Variants in PCDHGA9 observed in about 807,000 individuals in gnomAD.
PCDHGA9 encodes the protein protocadherin gamma-A9.
A neutral mutation model predicts 62.5 loss-of-function variants in PCDHGA9; 37 were observed. The ratio of observed to expected loss-of-function variants is 0.59; its 90% CI spans 0.46 to 0.78. The LOEUF is 0.78. PCDHGA9 is among the 30% of genes least tolerant of loss of function. The pLI, the probability that PCDHGA9 is intolerant of heterozygous loss-of-function variation, is 0.00. For synonymous variants in PCDHGA9, 459 were observed against 484.6 expected, an observed-to-expected ratio of 0.95 and a Z score of 0.69; for missense variants, 1,138 against 1,166.2, an observed-to-expected ratio of 0.98 and a Z score of 0.35.
chr5:141,423,358 G>T (rs202010010), intron 1 of PCDHGA9: 1 of 1,614,196 alleles, frequency 6.2e-7, no homozygotes, highest in South Asian at 1.1e-5. Flanking sequence ...CTTTGTCATC[G>T]TGCTGCTGGC....
chr5:141,438,901 G>A (rs1039951275), intron 1 of PCDHGA9, among the ~76,000 whole-genome samples: 2 of 151,746 alleles, frequency 1.3e-5, no homozygotes, highest in African/African-American at 2.4e-5. Flanking sequence ...CCTGACCTCA[G>A]GTGATCCACC....
Position 141,487,289 on chromosome 5 carries a change from G to A in PCDHGA9, c.2425-7518G>A. The A allele has an allele frequency of 1.2e-6, 2 of 1,614,096 alleles. No individual in the cohort carries two copies. The highest frequency in any genetic ancestry group is 1.7e-6 in the Non-Finnish European group (2 of 1,180,024). On this transcript the variant is annotated intron_variant, in intron 1 of 3. Coordinates refer to ENST00000573521, the MANE Select transcript of PCDHGA9 (RefSeq NM_018921.3). The surrounding 1 kb of genome is among the most constrained non-coding windows in gnomAD (Gnocchi z 5.0). ...AGTGGCAATTTGCTTTGTCTCCTTTGGCTCATTCGTGGCACTACTCTCTAA... is the reference window on the plus strand; with the variant it reads ...AGTGGCAATTTGCTTTGTCTCCTTTAGCTCATTCGTGGCACTACTCTCTAA...
At chr5:141,456,142 C>A (rs1258425044) in intron 1 of PCDHGA9, among the ~76,000 whole-genome samples, 1 of 152,052 alleles carries the variant, frequency 6.6e-6, no homozygotes, top group Non-Finnish European at 1.5e-5. Flanking sequence ...CCTGATCCGC[C>A]CGCCTCGGCC....
Position 141,405,330 on chromosome 5 carries a change from T to C in PCDHGA9, c.2378T>C (p.Val793Ala), listed in dbSNP as rs750658260. The change falls in exon 1 of 4, where the codon GTC becomes GCC. Residue 793 changes from valine (V) to alanine (A), a missense_variant. By Grantham distance (64) the Val-to-Ala change is moderately conservative. Coordinates refer to ENST00000573521, the MANE Select transcript of PCDHGA9 (RefSeq NM_018921.3). ...TGTGAGAAAAATGAGCCTTTGTGCG[T>C]CTCTGTTGATTCCAAGTTTCCTATA... The part of the protein sequence containing the change: ...QSCEKNEPLC[V>A]SVDSKFPIED... 6.2e-7 allele frequency: 1 copy of C among 1,614,206 alleles called. No homozygotes were observed. Among genetic ancestry groups the C allele is most frequent in the East Asian group, 2.2e-5 (1 of 44,890 alleles).
chr5:141,440,818 C>T (rs906112291), intron 1 of PCDHGA9: 2 of 152,124 alleles, frequency 1.3e-5, no homozygotes, highest in Non-Finnish European at 2.9e-5. Flanking sequence ...TCACTCAACT[C>T]CTGATCCTAT....
chr5:141,413,322 G>A, intron 1 of PCDHGA9: 2 of 1,613,940 alleles, frequency 1.2e-6, no homozygotes, highest in Non-Finnish European at 1.7e-6. Flanking sequence ...GCTCTTTCGT[G>A]GGCAACATCT....
At chr5:141,473,501 G>C (rs1053399138) in intron 1 of PCDHGA9, among the ~76,000 whole-genome samples, 7 of 152,188 alleles carry the variant, frequency 4.6e-5, no homozygotes, top group African/African-American at 1.7e-4. Context: ...GGTGTTCTGA[G>C]AGAGCATAAC....
In PCDHGA9 at chr5:141,432,250, A is replaced by G. The variant is rs777728825; in HGVS notation, c.2424+26874A>G. 2 of 1,614,234 alleles carry G rather than the reference A, an allele frequency of 1.2e-6. No homozygotes were observed. Among genetic ancestry groups the G allele is most frequent in the Admixed American group, 1.7e-5 (1 of 60,026 alleles). ...ATTCCCTGGCTGAGAACACCATCCA[A>G]GGGGCAAGCCTATCGTCCTACGTGT... On this transcript the variant is annotated intron_variant, in intron 1 of 3. Transcript: ENST00000573521. The surrounding 1 kb of genome is among the most constrained non-coding windows in gnomAD (Gnocchi z 6.0).
At chr5:141,420,382 C>CA (rs1414569792) in intron 1 of PCDHGA9, 5 of 1,300,530 alleles carry the variant, frequency 3.8e-6, no homozygotes, top group Non-Finnish European at 5.1e-6. Flanking sequence ...ATAGAGTTCG[C>CA]AAAATATAGG....
intron 1 of PCDHGA9, chr5:141,415,589 T>C: frequency 1.2e-6 from 2 of 1,614,062 alleles, no homozygotes; most frequent in Non-Finnish European, 1.7e-6. Flanking sequence ...AAGTTTCCTA[T>C]AGAGGATACC....
rs2094315270 is a variant in PCDHGA9, at chr5:141,402,861, A to G, written c.-92A>G. The G allele has an allele frequency of 7.0e-7, 1 of 1,430,150 alleles. No individual in the cohort carries two copies. Among genetic ancestry groups the G allele is most frequent in the Non-Finnish European group, 9.2e-7 (1 of 1,088,514 alleles). 88.6% of individuals were successfully genotyped at this position (1,430,150 alleles called of 1,614,324 possible). On this transcript the variant is annotated 5_prime_UTR_variant, in exon 1 of 4. Coordinates refer to ENST00000573521, the MANE Select transcript of PCDHGA9 (RefSeq NM_018921.3). Reference sequence around the variant, plus strand: ...AAACTCAGCCTCTTTCTTCTAAGGAAAAGATCACCATACTTTGCAGGGTGG... The same window carrying G: ...AAACTCAGCCTCTTTCTTCTAAGGAGAAGATCACCATACTTTGCAGGGTGG...
intron 1 of PCDHGA9, among the ~76,000 whole-genome samples, chr5:141,484,419 A>G (rs978469951): frequency 1.3e-5 from 2 of 152,206 alleles, no homozygotes; most frequent in Non-Finnish European, 2.9e-5. Flanking sequence ...TCCTGTTACA[A>G]TGAGAACATG....
intron 3 of PCDHGA9, among the ~76,000 whole-genome samples, 188 bp from the exon 4 acceptor site, chr5:141,510,759 G>A (rs1026623444): frequency 6.6e-5 from 10 of 152,172 alleles, no homozygotes; most frequent in African/African-American, 2.4e-4. Context: ...TCTCACTCCA[G>A]AGCCTCTTAA....
At chr5:141,479,823 G>A (rs1208437635) in intron 1 of PCDHGA9, among the ~76,000 whole-genome samples, 1 of 152,172 alleles carries the variant, frequency 6.6e-6, no homozygotes, top group Admixed American at 6.5e-5. Context: ...TACTATCCAA[G>A]GCATGGTATC....
At position 141,477,167 on chromosome 5, in the gene PCDHGA9, G is replaced by A; in HGVS notation, c.2425-17640G>A. On this transcript the variant is annotated intron_variant, in intron 1 of 3. Coordinates refer to ENST00000573521, the MANE Select transcript of PCDHGA9 (RefSeq NM_018921.3). This position sits in a 1 kb window ranked among gnomAD's most constrained non-coding sequence, Gnocchi z 4.9. ...TGTGGATGTGAATGACAACGCCCCGGAGATCACAGTCACCTCCGTGTACAG... is the reference window on the plus strand; with the variant it reads ...TGTGGATGTGAATGACAACGCCCCGAAGATCACAGTCACCTCCGTGTACAG... 6.2e-7 allele frequency: 1 copy of A among 1,614,166 alleles called. No homozygotes were observed. Among genetic ancestry groups the A allele is most frequent in the South Asian group, 1.1e-5 (1 of 91,076 alleles).
chr5:141,412,170 A>G (rs1015665615), intron 1 of PCDHGA9: 2 of 152,230 alleles, frequency 1.3e-5, no homozygotes, highest in Non-Finnish European at 1.5e-5. Context: ...GATTATTTAT[A>G]CTGGTATTAA....
intron 1 of PCDHGA9, chr5:141,419,929 T>C: frequency 6.2e-7 from 1 of 1,614,076 alleles, no homozygotes; most frequent in Non-Finnish European, 8.5e-7. Context: ...AGATGCAGTT[T>C]TACCTGGTGG....
rs759226115 is a variant in PCDHGA9 at position 141,405,385 on chromosome 5, AT to A, written c.2424+17del. On this transcript the variant is annotated intron_variant, in intron 1 of 3. Transcript: ENST00000573521. ...ACACCCCTTTGGTTCCGGTGAGTTC[AT>A]TTTTTTTCTTTCTTTCTTTTCTTTT... 1.8e-5 allele frequency: 29 copies of A among 1,599,886 alleles called. No homozygotes were observed. In the East Asian group the frequency reaches 2.2e-4, roughly 12 times the overall value.
chr5:141,430,309 A>G (rs984998714), intron 1 of PCDHGA9, among the ~76,000 whole-genome samples: 2 of 152,116 alleles, frequency 1.3e-5, no homozygotes, highest in Non-Finnish European at 2.9e-5. Context: ...CACTAACATT[A>G]TAAGATTAAA....
Sources: gnomAD v4.1 joint callset for allele counts (sites outside exome capture counted in the v4.1 genomes callset) on GRCh38, gnomAD v4.1.1 for gene constraint, Gnocchi (gnomAD v3.1) non-coding constraint, MANE v1.5 for transcripts, NCBI Gene and HGNC (gene_info 2026-07-23, HGNC 2026-07-21) for gene names.